RPTOR: variants seen among roughly 807,000 people sequenced by gnomAD.
The protein encoded by RPTOR is regulatory-associated protein of mTOR.
RPTOR carries 21 observed loss-of-function variants against 169.9 expected under a neutral mutation model. That is an observed-to-expected ratio of 0.12 (90% CI 0.09 to 0.18). The LOEUF is 0.18. RPTOR is among the 10% of genes least tolerant of loss of function. RPTOR has a pLI of 1.00. For synonymous variants in RPTOR, 732 were observed against 753.2 expected (o/e 0.97, Z 0.46); for missense variants, 1,133 against 1,855.9 (o/e 0.61, Z 7.16).
At chr17:80,825,299 C>T (rs1432284279) in intron 9 of RPTOR, among the ~76,000 whole-genome samples, 6 of 133,314 alleles carry the variant, frequency 4.5e-5, no homozygotes, top group African/African-American at 8.5e-5. Context: ...CTCCAGAGGC[C>T]GCGTGGCGAG....
chr17:80,626,441 G>A lies in RPTOR; in HGVS notation c.265+648G>A, dbSNP rs144248075. On this transcript the variant is annotated intron_variant, in intron 2 of 33. Transcript: ENST00000306801. Reference sequence around the variant, plus strand: ...AAAAAAAATGGAATGACTGATACCTGCATGGAAATGTAGAAGAGGTAAATG... The same window carrying A: ...AAAAAAAATGGAATGACTGATACCTACATGGAAATGTAGAAGAGGTAAATG... Among the ~76,000 whole-genome samples, 3 of 152,098 alleles carry A rather than the reference G, an allele frequency of 2.0e-5. No homozygotes were observed. The East Asian group carries it at 5.8e-4, about 29-fold the overall frequency.
intron 12 of RPTOR, 44 bp from the exon 13 acceptor site, chr17:80,857,746 C>A: frequency 6.8e-7 from 1 of 1,464,194 alleles, no homozygotes; most frequent in South Asian, 1.1e-5. Flanking sequence ...CTGCCCGTTC[C>A]CTTGCTGCGG....
At chr17:80,836,052 C>T (rs1465013466) in intron 9 of RPTOR, among the ~76,000 whole-genome samples, 4 of 152,122 alleles carry the variant, frequency 2.6e-5, no homozygotes, top group African/African-American at 7.2e-5. Flanking sequence ...GATGGTGAAA[C>T]GGATCCTAGA....
rs556136954 is a variant in RPTOR at position 80,787,567 on chromosome 17, G to A, written c.831-3883G>A. Among the ~76,000 whole-genome samples the A allele has an allele frequency of 6.5e-4, 99 of 152,322 alleles. 1 individual carries two copies. The highest frequency in any genetic ancestry group is 1.2e-3 in the Non-Finnish European group (79 of 68,024). ...AGAGTTGCCGGATCATAGTGTATAG[G>A]AACATTCAGTTTTAAGGGATCATGG... On this transcript the variant is annotated intron_variant, in intron 6 of 33. Coordinates refer to ENST00000306801, the MANE Select transcript of RPTOR (RefSeq NM_020761.3).
chr17:80,883,988 G>C lies in RPTOR; in HGVS notation c.1842+16G>C. On this transcript the variant is annotated intron_variant, in intron 16 of 33. Coordinates refer to ENST00000306801, the MANE Select transcript of RPTOR (RefSeq NM_020761.3). ...CATTCCCGAGGTGAGTCAGGCGGGG[G>C]CTCAGAGTCCAGTCCTCCTGGCTGC... is the stretch of plus-strand genomic sequence containing the variant. The C allele has an allele frequency of 6.2e-7, 1 of 1,601,378 alleles. No individual in the cohort carries two copies. The highest frequency in any genetic ancestry group is 8.5e-7 in the Non-Finnish European group (1 of 1,172,348).
chr17:80,813,429 C>T lies in RPTOR; in HGVS notation c.891-8772C>T, dbSNP rs180969973. Among the ~76,000 whole-genome samples the T allele has an allele frequency of 4.9e-3, 748 of 152,304 alleles. 2 individuals carry two copies. The highest frequency in any genetic ancestry group is 7.9e-3 in the Non-Finnish European group (537 of 68,032). On this transcript the variant is annotated intron_variant, in intron 7 of 33. Coordinates refer to ENST00000306801, the MANE Select transcript of RPTOR (RefSeq NM_020761.3). ...AGAGTTGTATTTTTACAATGACCGA[C>T]ATGTGTGTGTGCTTTATGTGTAAGG...
intron 17 of RPTOR, among the ~76,000 whole-genome samples, chr17:80,886,512 A>G (rs2068248203): frequency 6.6e-6 from 1 of 152,238 alleles, no homozygotes; most frequent in Non-Finnish European, 1.5e-5. Flanking sequence ...CAAAGCAGCA[A>G]ATCAGCGGTT....
At chr17:80,911,012 G>A (rs1017613110) in intron 21 of RPTOR, among the ~76,000 whole-genome samples, 1 of 151,794 alleles carries the variant, frequency 6.6e-6, no homozygotes. Flanking sequence ...TGTATTTTTA[G>A]GAGAGACGAG....
intron 13 of RPTOR, among the ~76,000 whole-genome samples, chr17:80,876,325 G>T (rs2068112736): frequency 1.1e-5 from 1 of 92,254 alleles, no homozygotes; most frequent in Admixed American, 9.5e-5. Flanking sequence ...CACGCAGGGT[G>T]TGTGTGTCGC....
rs1408254240 is a variant in RPTOR, at chr17:80,837,962, C to G, written c.1177C>G (p.Leu393Val). 6.2e-7 allele frequency: 1 copy of G among 1,612,210 alleles called. No individual in the cohort carries two copies. Among genetic ancestry groups the G allele is most frequent in the Non-Finnish European group, 8.5e-7 (1 of 1,179,194 alleles). Residue 393 changes from leucine to valine, a missense_variant, in exon 10 of 34, where the codon CTG becomes GTG. Physicochemically the swap from Leu to Val is conservative, Grantham distance 32. Transcript: ENST00000306801. The part of the protein sequence containing the change: ...DLAVDICLSQ[L>V]PTIIEEGTAF... ...GGCTGTTGACATCTGTCTGTCTCAGCTGCCGACGATCATCGAGGAAGGCAC... is the reference window on the plus strand; with the variant it reads ...GGCTGTTGACATCTGTCTGTCTCAGGTGCCGACGATCATCGAGGAAGGCAC...
At chr17:80,946,079 A>C (rs947626519) in intron 26 of RPTOR, among the ~76,000 whole-genome samples, 1 of 152,182 alleles carries the variant, frequency 6.6e-6, no homozygotes, top group African/African-American at 2.4e-5. Flanking sequence ...ATAGAGGCGT[A>C]CACAGGGGGG....
At chr17:80,792,722 C>A (rs1010482612) in intron 7 of RPTOR, among the ~76,000 whole-genome samples, 1 of 152,146 alleles carries the variant, frequency 6.6e-6, no homozygotes, top group African/African-American at 2.4e-5. Flanking sequence ...GTGCTCCCCT[C>A]CCCTTCTGGT....
At chr17:80,632,329 G>A (rs12948080) in intron 2 of RPTOR, among the ~76,000 whole-genome samples, 8 of 152,116 alleles carry the variant, frequency 5.3e-5, no homozygotes, top group African/African-American at 1.9e-4. Context: ...TGTGTGCTCC[G>A]GGGACGGGAC....
chr17:80,960,583 G>A lies in RPTOR; in HGVS notation c.3605+378G>A, dbSNP rs886881063. Among the ~76,000 whole-genome samples the A allele has an allele frequency of 6.6e-6, 1 of 152,240 alleles. No homozygotes were observed. The highest frequency in any genetic ancestry group is 2.4e-5 in the African/African-American group (1 of 41,468). On this transcript the variant is annotated intron_variant, in intron 30 of 33. Coordinates refer to ENST00000306801, the MANE Select transcript of RPTOR (RefSeq NM_020761.3). This position sits in a 1 kb window ranked among gnomAD's most constrained non-coding sequence, Gnocchi z 4.8. ...ACTGCCACTGCCTGCCACCTCCTGG[G>A]TCATGCAGCAAGTGTCTGGGGAGGG...
chr17:80,748,592 G>A (rs1307081435), intron 5 of RPTOR, among the ~76,000 whole-genome samples: 6 of 113,408 alleles, frequency 5.3e-5, no homozygotes, highest in African/African-American at 1.7e-4. Context: ...AGGCCGTGGC[G>A]GGAGGACCTG....
chr17:80,737,465 T>C (rs547784637), intron 5 of RPTOR, among the ~76,000 whole-genome samples: 11 of 152,262 alleles, frequency 7.2e-5, no homozygotes, highest in Admixed American at 5.2e-4. Flanking sequence ...TGGAGGATCA[T>C]TGCAGAACAC....
chr17:80,851,048 C>T (rs1409939162), intron 11 of RPTOR, among the ~76,000 whole-genome samples: 1 of 152,220 alleles, frequency 6.6e-6, no homozygotes, highest in Non-Finnish European at 1.5e-5. Context: ...CCTGACTCAG[C>T]CTCCTGAGTA....
intron 6 of RPTOR, among the ~76,000 whole-genome samples, chr17:80,780,753 C>T (rs1008249068): frequency 6.6e-6 from 1 of 152,188 alleles, no homozygotes; most frequent in Non-Finnish European, 1.5e-5. Flanking sequence ...GATCCTGCAG[C>T]TCCCTTCCCC....
intron 24 of RPTOR, among the ~76,000 whole-genome samples, chr17:80,928,309 T>C (rs570162842): frequency 6.6e-6 from 1 of 152,382 alleles, no homozygotes; most frequent in South Asian, 2.1e-4. Context: ...TTTACTGATT[T>C]AATTCATCAT....
Sources: allele counts gnomAD v4.1 joint callset (sites outside exome capture counted in the v4.1 genomes callset), GRCh38; gene constraint gnomAD v4.1.1; non-coding constraint Gnocchi (gnomAD v3.1); transcripts MANE v1.5; gene names NCBI Gene and HGNC (gene_info 2026-07-23, HGNC 2026-07-21).